The following SHLD2 variants were observed in gnomAD, a reference collection of about 807,000 sequenced individuals.
SHLD2 encodes shieldin complex subunit 2.
Under a neutral mutation model 73.2 loss-of-function variants are expected in SHLD2, and 30 were observed. That is an observed-to-expected ratio of 0.41 (90% confidence interval 0.31 to 0.56). The LOEUF is 0.56. Ranked by LOEUF, SHLD2 falls within the 20% of genes least tolerant of loss-of-function variation. The probability of loss-of-function intolerance (pLI) is 0.28; values close to 1 mark genes in which losing one functional copy is unlikely to be tolerated. For synonymous variants in SHLD2, 285 were observed against 370.1 expected (o/e 0.77, Z 2.64); for missense variants, 745 against 1,055.9 (o/e 0.71, Z 4.08).
chr10:87,097,125 G>C (rs1841950325), intron 2 of SHLD2, 136 bp downstream of exon 2: 1 of 152,038 alleles, frequency 6.6e-6, no homozygotes, highest in African/African-American at 2.4e-5. Context: ...TTTTCTTTTT[G>C]GATTAAATTA....
intron 2 of SHLD2, among the ~76,000 whole-genome samples, chr10:87,137,309 T>C (rs1844863753): frequency 6.6e-6 from 1 of 151,730 alleles, no homozygotes; most frequent in African/African-American, 2.4e-5. Context: ...AAGAACCAAG[T>C]TGAAATTCCA....
At chr10:87,139,907 T>C (rs1314721277) in intron 2 of SHLD2, among the ~76,000 whole-genome samples, 2 of 152,100 alleles carry the variant, frequency 1.3e-5, no homozygotes, top group Non-Finnish European at 2.9e-5. Context: ...AAAAACTGGA[T>C]GTGATTAACA....
chr10:87,105,726 A>T (rs1209951836), intron 2 of SHLD2, among the ~76,000 whole-genome samples: 2 of 152,250 alleles, frequency 1.3e-5, no homozygotes, highest in African/African-American at 4.8e-5. Flanking sequence ...AAAGGGCTTC[A>T]GCAGTTCCAG....
At chr10:87,126,233 C>T (rs1446225735) in intron 2 of SHLD2, among the ~76,000 whole-genome samples, 1 of 152,050 alleles carries the variant, frequency 6.6e-6, no homozygotes, top group African/African-American at 2.4e-5. Flanking sequence ...TGTGCACCAC[C>T]ATGCCTGGCT....
chr10:87,106,260 C>T (rs1842588132), intron 2 of SHLD2, among the ~76,000 whole-genome samples: 1 of 152,234 alleles, frequency 6.6e-6, no homozygotes, highest in Non-Finnish European at 1.5e-5. Flanking sequence ...CCGCCTCAGC[C>T]TCCCAAAGTG....
At chr10:87,148,980 C>T (rs902825893) in intron 2 of SHLD2, among the ~76,000 whole-genome samples, 2 of 151,274 alleles carry the variant, frequency 1.3e-5, no homozygotes, top group African/African-American at 2.4e-5. Flanking sequence ...TGCAACCTCC[C>T]GGGTTCAAGC....
At chr10:87,123,623 A>C (rs937925946) in intron 2 of SHLD2, among the ~76,000 whole-genome samples, 9 of 152,148 alleles carry the variant, frequency 5.9e-5, no homozygotes, top group Non-Finnish European at 1.0e-4. Flanking sequence ...CTGTCACCCT[A>C]ATAGAGCTTG....
intron 4 of SHLD2, among the ~76,000 whole-genome samples, chr10:87,167,967 G>T (rs201930577): frequency 1.4e-4 from 21 of 152,206 alleles, no homozygotes; most frequent in East Asian, 5.8e-4. Context: ...TTATTAAAAA[G>T]TCAAAAAACG....
At chr10:87,180,354 G>A (rs1848227673) in intron 8 of SHLD2, 51 bp downstream of exon 8, 1 of 1,586,720 alleles carries the variant, frequency 6.3e-7, no homozygotes, top group Non-Finnish European at 8.6e-7. Flanking sequence ...TTATAGATCT[G>A]GAAAAATTAG....
At chr10:87,116,832 G>C (rs1223858763) in intron 2 of SHLD2, among the ~76,000 whole-genome samples, 3 of 152,316 alleles carry the variant, frequency 2.0e-5, no homozygotes, top group East Asian at 3.9e-4. Flanking sequence ...TCTTGGCCTG[G>C]ATTTTATGTG....
chr10:87,094,744 A>T (rs779258344), upstream of SHLD2: 35 of 1,532,490 alleles, frequency 2.3e-5, no homozygotes, highest in South Asian at 4.1e-4. This position sits in a 1 kb window ranked among gnomAD's most constrained non-coding sequence, Gnocchi z 6.6. Context: ...GGACAGCAAC[A>T]GCGCTTCGCC....
chr10:87,098,185 T>G (rs1283467537), intron 2 of SHLD2, among the ~76,000 whole-genome samples: 2 of 152,182 alleles, frequency 1.3e-5, no homozygotes, highest in East Asian at 3.8e-4. Flanking sequence ...AGTATTTCTT[T>G]TCACACTGTA....
At chr10:87,178,203 T>C (rs1160803467) in intron 7 of SHLD2, among the ~76,000 whole-genome samples, 1 of 120,014 alleles carries the variant, frequency 8.3e-6, no homozygotes, top group Non-Finnish European at 1.6e-5. Context: ...ACCACTGCAC[T>C]GCAGACTGGG....
chr10:87,099,569 G>A (rs1842133750), intron 2 of SHLD2, among the ~76,000 whole-genome samples: 1 of 152,148 alleles, frequency 6.6e-6, no homozygotes, highest in African/African-American at 2.4e-5. Context: ...CATCATTGAT[G>A]GACACTTGGA....
Position 87,152,112 on chromosome 10 carries a change from T to C in SHLD2, c.758T>C (p.Phe253Ser). The C allele has an allele frequency of 6.2e-7, 1 of 1,611,978 alleles. No individual in the cohort carries two copies. Among genetic ancestry groups the C allele is most frequent in the Non-Finnish European group, 8.5e-7 (1 of 1,179,834 alleles). Reference protein sequence around the residue: ...LSIITSSQVAFLAQKKDKRRS... With the variant: ...LSIITSSQVASLAQKKDKRRS... ...ATAATTACCTCCAGCCAGGTTGCTT[T>C]TTTAGCTCAAAAGAAAGATAAAAGG... The change falls in exon 3 of 10, where the codon TTT (phenylalanine) becomes TCT (serine). Residue 253 changes from phenylalanine (F) to serine (S), a missense_variant. Coordinates refer to ENST00000298786, the MANE Select transcript of SHLD2 (RefSeq NM_001330112.2).
chr10:87,170,072 G>C (rs576734266), intron 4 of SHLD2, among the ~76,000 whole-genome samples: 9 of 152,312 alleles, frequency 5.9e-5, no homozygotes, highest in Non-Finnish European at 1.0e-4. Context: ...GCTTGAGGAA[G>C]AACGGCAGAG....
rs1011750176 is a variant in SHLD2, at chr10:87,167,788, G to T, written c.1634-2690G>T. Among the ~76,000 whole-genome samples, 4 of 152,174 alleles carry T rather than the reference G, an allele frequency of 2.6e-5. No homozygotes were observed. The East Asian group carries it at 7.7e-4, about 29-fold the overall frequency. On this transcript the variant is annotated intron_variant, in intron 4 of 9. Transcript: ENST00000298786. ...GCCTCCTGAGTAGCTGGGACTACAGGTGCATGCCCCCATGCCCAGCTAATT... is the reference window on the plus strand; with the variant it reads ...GCCTCCTGAGTAGCTGGGACTACAGTTGCATGCCCCCATGCCCAGCTAATT...
At chr10:87,121,762 C>CT (rs571649405) in intron 2 of SHLD2, among the ~76,000 whole-genome samples, 47,102 of 130,938 alleles carry the variant, frequency 0.36, 8,580 homozygotes, top group East Asian at 0.65. Flanking sequence ...TTCTTTCTTT[C>CT]TTTTTTTTTT....
chr10:87,146,425 C>A (rs1004398094), intron 2 of SHLD2, among the ~76,000 whole-genome samples: 1 of 151,928 alleles, frequency 6.6e-6, no homozygotes, highest in African/African-American at 2.4e-5. Flanking sequence ...TCTGGTGTAG[C>A]TGGGATTACA....
Sources: allele counts gnomAD v4.1 joint callset (sites outside exome capture counted in the v4.1 genomes callset), GRCh38; gene constraint gnomAD v4.1.1; non-coding constraint Gnocchi (gnomAD v3.1); transcripts MANE v1.5; gene names NCBI Gene and HGNC (gene_info 2026-07-23, HGNC 2026-07-21).